PLK1: variants seen among roughly 807,000 people sequenced by gnomAD.
The protein encoded by PLK1 is serine/threonine-protein kinase PLK1.
PLK1 carries 6 observed loss-of-function variants against 56.7 expected under a neutral mutation model. The ratio of observed to expected loss-of-function variants is 0.11; its 90% CI spans 0.06 to 0.21. The LOEUF is 0.21. PLK1 is among the 10% of genes least tolerant of loss of function. The pLI is 1.00. For missense variants in PLK1, 546 were observed against 814.4 expected (o/e 0.67, Z 4.01); for synonymous variants, 298 against 325.0 (o/e 0.92, Z 0.89).
intron 7 of PLK1, among the ~76,000 whole-genome samples, 176 bp downstream of exon 7, chr16:23,688,921 T>C (rs878957244): frequency 1.3e-5 from 2 of 151,726 alleles, no homozygotes; most frequent in African/African-American, 2.4e-5. Context: ...TTTTTTTTTT[T>C]CCAGAGACAG....
rs893016241 is a variant in PLK1 at position 23,689,348 on chromosome 16, T to A, written c.1381T>A (p.Ser461Thr). The A allele has an allele frequency of 1.1e-5, 17 of 1,613,360 alleles. No homozygotes were observed. The highest frequency in any genetic ancestry group is 1.4e-5 in the Non-Finnish European group (17 of 1,179,428). Residue 461 changes from serine (S) to threonine (T), a missense_variant, in exon 8 of 10, where the codon TCC becomes ACC. By Grantham distance (58) the Ser-to-Thr change is moderately conservative. Around this residue, in one of 7 missense-constraint regions of PLK1, gnomAD observed 113 missense variants for 202.0 expected, o/e 0.56. Coordinates refer to ENST00000300093, the MANE Select transcript of PLK1 (RefSeq NM_005030.6). The surrounding 1 kb of genome is among the most constrained non-coding windows in gnomAD (Gnocchi z 4.8). ...GTACATAGAGCGTGACGGCACTGAG[T>A]CCTACCTCACCGTGAGTTCCCATCC... ...LQYIERDGTE[S>T]YLTVSSHPNS...
intron 1 of PLK1, 193 bp from the exon 2 acceptor site, chr16:23,679,891 T>TC (rs1486758698): frequency 1.1e-5 from 6 of 559,140 alleles, no homozygotes; most frequent in Non-Finnish European, 1.9e-5. Flanking sequence ...TAAGGCAGGG[T>TC]CCAGATGCCG....
intron 6 of PLK1, among the ~76,000 whole-genome samples, chr16:23,688,294 AATTG>A (rs2141000707): frequency 6.6e-6 from 1 of 152,240 alleles, no homozygotes; most frequent in South Asian, 2.1e-4. Flanking sequence ...CCCATACTTA[AATTG>A]ATTAGTCTTT....
Position 23,684,045 on chromosome 16 carries a change from G to C in PLK1, c.992G>C (p.Ser331Thr), listed in dbSNP as rs146042616. The C allele has an allele frequency of 3.7e-6, 6 of 1,614,140 alleles. No homozygotes were observed. The South Asian group carries it at 5.5e-5, about 15-fold the overall frequency. The change falls in exon 5 of 10, where the codon AGC (serine) becomes ACC (threonine). Residue 331 changes from serine to threonine, a missense_variant. Ser to Thr is a moderately conservative substitution (Grantham distance 58). Coordinates refer to ENST00000300093, the MANE Select transcript of PLK1 (RefSeq NM_005030.6). ...CCAAGGTTTTCGATTGCTCCCAGCA[G>C]CCTGGACCCCAGCAACCGGAAGCCC... ...IPPRFSIAPS[S>T]LDPSNRKPLT...
intron 1 of PLK1, 31 bp from the exon 2 acceptor site, chr16:23,680,053 A>G: frequency 6.4e-7 from 1 of 1,564,232 alleles, no homozygotes; most frequent in Non-Finnish European, 8.8e-7. Context: ...CCACCTCCCC[A>G]TCCCTCCTGC....
intron 2 of PLK1, 119 bp from the exon 3 acceptor site, chr16:23,680,795 C>T (rs1959319007): frequency 2.1e-6 from 2 of 949,802 alleles, no homozygotes; most frequent in Middle Eastern, 2.9e-4. Context: ...ATACAAGGAG[C>T]AGAGGCTTGT....
intron 6 of PLK1, 178 bp downstream of exon 6, chr16:23,687,802 G>A (rs1039079781): frequency 7.2e-6 from 3 of 416,332 alleles, no homozygotes; most frequent in Non-Finnish European, 8.4e-6. Flanking sequence ...CGCCTTTTCT[G>A]ATCCGTCTTT....
Position 23,687,541 on chromosome 16 carries a change from T to C in PLK1, c.1109T>C (p.Val370Ala), listed in dbSNP as rs1227712165. 1.2e-6 allele frequency: 2 copies of C among 1,603,728 alleles called. No homozygotes were observed. The highest frequency in any genetic ancestry group is 1.3e-5 in the African/African-American group (1 of 74,652). Residue 370 changes from valine (V) to alanine (A), a missense_variant, in exon 6 of 10, where the codon GTC (valine) becomes GCC (alanine). Coordinates refer to ENST00000300093, the MANE Select transcript of PLK1 (RefSeq NM_005030.6). ...GTGGTTCGAGAGACAGGTGAGGTGG[T>C]CGACTGCCACCTCAGTGACATGCTG... ...EPVVRETGEV[V>A]DCHLSDMLQQ...
Position 23,682,176 on chromosome 16 carries a change from A to C in PLK1, c.816+19A>C. On this transcript the variant is annotated intron_variant, in intron 4 of 9. Transcript: ENST00000300093. ...TCCCAAGGTGACTAATGATGCTTTA[A>C]GTTTACATTTATTTTGTTTTCCCCA... 2 of 1,310,632 alleles carry C rather than the reference A, an allele frequency of 1.5e-6. No homozygotes were observed. Among genetic ancestry groups the C allele is most frequent in the Non-Finnish European group, 2.2e-6 (2 of 904,502 alleles). The allele number at this position is 1,310,632 out of a possible 1,614,324, so 81.2% of individuals were successfully genotyped here. A position where few individuals can be genotyped will look rare whatever the true frequency, so the allele number is the denominator to read the frequency against.
intron 5 of PLK1, among the ~76,000 whole-genome samples, chr16:23,684,821 C>G (rs1303435102): frequency 6.6e-6 from 1 of 151,982 alleles, no homozygotes; most frequent in Admixed American, 6.6e-5. Context: ...CCATGCCCGG[C>G]TGTTTTTTTG....
At chr16:23,681,965 C>A (rs1254581117) in intron 3 of PLK1, 99 bp from the exon 4 acceptor site, 1 of 718,026 alleles carries the variant, frequency 1.4e-6, no homozygotes, top group South Asian at 1.6e-5. Flanking sequence ...GAGTGAGTGT[C>A]CAGAGGATGC....
intron 5 of PLK1, among the ~76,000 whole-genome samples, chr16:23,684,568 G>T (rs777454251): frequency 4.6e-5 from 7 of 152,096 alleles, no homozygotes; most frequent in Admixed American, 3.3e-4. Flanking sequence ...TGCCCAGGCT[G>T]GTCTTGGAAC....
chr16:23,682,533 T>C (rs1360280046), intron 4 of PLK1, among the ~76,000 whole-genome samples: 2 of 151,764 alleles, frequency 1.3e-5, no homozygotes, highest in Non-Finnish European at 2.9e-5. Context: ...TCTTTTTTTT[T>C]TTTTTTTTTA....
intron 6 of PLK1, 58 bp downstream of exon 6, chr16:23,687,682 G>A: frequency 7.4e-7 from 1 of 1,347,092 alleles, no homozygotes; most frequent in Non-Finnish European, 1.0e-6. Context: ...GGAAAAGGCA[G>A]GAGGAGGCTT....
chr16:23,679,832 G>C (rs936184623), intron 1 of PLK1: 1 of 387,482 alleles, frequency 2.6e-6, no homozygotes, highest in Non-Finnish European at 4.7e-6. Flanking sequence ...CCCAGGTAAG[G>C]GGGGAAGCTA....
intron 2 of PLK1, 145 bp downstream of exon 2, chr16:23,680,397 T>C (rs779176535): frequency 1.6e-5 from 10 of 627,238 alleles, no homozygotes; most frequent in Non-Finnish European, 2.8e-5. Flanking sequence ...TGCAATATTT[T>C]TTTTTTACAA....
chr16:23,687,298 G>A (rs1959443711), intron 5 of PLK1, 171 bp from the exon 6 acceptor site: 2 of 498,794 alleles, frequency 4.0e-6, no homozygotes, highest in Non-Finnish European at 7.1e-6. Flanking sequence ...CTCACAGTGA[G>A]CACTATGTGC....
At chr16:23,684,847 A>G (rs1283227512) in intron 5 of PLK1, among the ~76,000 whole-genome samples, 1 of 148,698 alleles carries the variant, frequency 6.7e-6, no homozygotes, top group Non-Finnish European at 1.5e-5. Flanking sequence ...TTTAGTAGAG[A>G]CGGGGTTTCA....
In PLK1 at chr16:23,689,800, C is replaced by T; in HGVS notation, c.1609-60C>T. On this transcript the variant is annotated intron_variant, in intron 9 of 9. Transcript: ENST00000300093. The surrounding 1 kb of genome is among the most constrained non-coding windows in gnomAD (Gnocchi z 4.8). ...ACCTATAACCTGTTGTGTCTTCCCTCTACTCCCTAACATACACTGGCCTCT... is the reference window on the plus strand; with the variant it reads ...ACCTATAACCTGTTGTGTCTTCCCTTTACTCCCTAACATACACTGGCCTCT... 1 of 1,544,584 alleles carries T rather than the reference C, an allele frequency of 6.5e-7. No individual in the cohort carries two copies. The highest frequency in any genetic ancestry group is 1.1e-5 in the South Asian group (1 of 89,124).
Sources: gnomAD v4.1 joint callset for allele counts (sites outside exome capture counted in the v4.1 genomes callset) on GRCh38, gnomAD v4.1.1 for gene constraint, gnomAD v4.1.1 regional missense constraint, Gnocchi (gnomAD v3.1) non-coding constraint, MANE v1.5 for transcripts, NCBI Gene and HGNC (gene_info 2026-07-23, HGNC 2026-07-21) for gene names.